PATJ: variants seen among roughly 807,000 people sequenced by gnomAD.
PATJ encodes inaD-like protein.
PATJ carries 190 observed loss-of-function variants against 224.9 expected under a neutral mutation model. The observed-to-expected ratio is 0.84, with a 90% CI of 0.75 to 0.95. The LOEUF is 0.95. Ranked by LOEUF, PATJ falls within the 40% of genes least tolerant of loss-of-function variation. The pLI is 0.00. For missense variants in PATJ, 2,121 were observed against 2,270.3 expected (o/e 0.93, Z 1.34); for synonymous variants, 769 against 820.3 (o/e 0.94, Z 1.07).
At chr1:62,160,732 A>T (rs1669762175) in intron 43 of PATJ, among the ~76,000 whole-genome samples, 176 bp from the exon 44 acceptor site, 1 of 152,230 alleles carries the variant, frequency 6.6e-6, no homozygotes, top group Non-Finnish European at 1.5e-5. Context: ...ATTATTATTC[A>T]AACAGCATAT....
At chr1:62,039,005 C>G (rs1650974900) in intron 30 of PATJ, 2 of 1,257,684 alleles carry the variant, frequency 1.6e-6, no homozygotes, top group South Asian at 2.4e-5. Context: ...GAGCTAACCT[C>G]TGACCCCACT....
At chr1:62,051,846 T>C (rs1186215703) in intron 31 of PATJ, among the ~76,000 whole-genome samples, 1 of 152,214 alleles carries the variant, frequency 6.6e-6, no homozygotes, top group Non-Finnish European at 1.5e-5. Context: ...TGTTATTTAA[T>C]AGTTATTGAA....
chr1:61,989,386 A>G (rs1644940713), intron 27 of PATJ, among the ~76,000 whole-genome samples: 1 of 152,206 alleles, frequency 6.6e-6, no homozygotes, highest in African/African-American at 2.4e-5. Context: ...AGTAAATGGT[A>G]GATTTGTGGA....
In PATJ at chr1:61,765,066, A is replaced by ATTTTTTTTTTTTTTTTTTTTT. The variant is rs71582647; in HGVS notation, c.190-1200_190-1180dup. Among the ~76,000 whole-genome samples, 13 of 24,020 alleles carry ATTTTTTTTTTTTTTTTTTTTT rather than the reference A, an allele frequency of 5.4e-4. 4 individuals carry two copies. Among genetic ancestry groups the ATTTTTTTTTTTTTTTTTTTTT allele is most frequent in the Non-Finnish European group, 8.1e-4 (11 of 13,504 alleles). 15.8% of individuals were successfully genotyped at this position (24,020 alleles called of 152,430 possible). ...TTTCTTTGAGGTTTTATTGACATTC[A>ATTTTTTTTTTTTTTTTTTTTT]TTTTTTTTTTTTTTTTTTTTTTTTT... is the stretch of plus-strand genomic sequence containing the variant. On this transcript the variant is annotated intron_variant, in intron 3 of 43. Transcript: ENST00000642238.
At chr1:61,809,728 T>G (rs1654314202) in intron 14 of PATJ, among the ~76,000 whole-genome samples, 1 of 152,108 alleles carries the variant, frequency 6.6e-6, no homozygotes, top group Admixed American at 6.5e-5. Context: ...TCATAAGAAG[T>G]TGAAAAGTCT....
At chr1:61,824,517 C>T (rs1375514087) in intron 15 of PATJ, among the ~76,000 whole-genome samples, 1 of 150,732 alleles carries the variant, frequency 6.6e-6, no homozygotes, top group African/African-American at 2.4e-5. Context: ...CGTCAAACTC[C>T]TGGGCTCAAG....
intron 24 of PATJ, among the ~76,000 whole-genome samples, chr1:61,906,975 G>T (rs868503337): frequency 5.9e-5 from 9 of 152,164 alleles, no homozygotes; most frequent in Non-Finnish European, 1.3e-4. Context: ...CCAGTGGGAG[G>T]TAATTGAATC....
At chr1:61,950,272 G>GTT (rs1679451690) in intron 27 of PATJ, among the ~76,000 whole-genome samples, 2 of 152,152 alleles carry the variant, frequency 1.3e-5, no homozygotes, top group African/African-American at 4.8e-5. Context: ...CAGTGATGGC[G>GTT]TTTGAGAACC....
Position 62,013,533 on chromosome 1 carries a change from G to A in PATJ, c.3868-4323G>A, listed in dbSNP as rs935476600. 206 of 982,746 alleles carry A rather than the reference G, an allele frequency of 2.1e-4. No homozygotes were observed. In the African/African-American group the frequency reaches 3.4e-3, roughly 16 times the overall value. The allele number at this position is 982,746 out of a possible 1,614,324, so 60.9% of individuals were successfully genotyped here. On this transcript the variant is annotated intron_variant, in intron 28 of 43. Transcript: ENST00000642238. ...TAAGGAGCTCCACTCAGTTCAGTAGGTGTTGCGTGCCTGCGCTGATGGTTA... is the reference window on the plus strand; with the variant it reads ...TAAGGAGCTCCACTCAGTTCAGTAGATGTTGCGTGCCTGCGCTGATGGTTA...
chr1:62,039,686 T>G (rs1651096750), intron 30 of PATJ, among the ~76,000 whole-genome samples: 2 of 152,174 alleles, frequency 1.3e-5, no homozygotes, highest in Admixed American at 1.3e-4. Flanking sequence ...GGTGATTTAT[T>G]CCAAAGCTAG....
At position 62,128,926 on chromosome 1, in the gene PATJ, A is replaced by G. The variant is rs771947538; in HGVS notation, c.5252A>G (p.Tyr1751Cys). The G allele has an allele frequency of 6.8e-6, 11 of 1,610,610 alleles. No homozygotes were observed. The African/African-American group carries it at 1.2e-4, about 18-fold the overall frequency. The change falls in exon 41 of 44, where the codon TAC becomes TGC. Residue 1751 changes from tyrosine (Y) to cysteine (C), a missense_variant. By Grantham distance (194) the Tyr-to-Cys change is radical (BLOSUM62 -2). Coordinates refer to ENST00000642238, the MANE Select transcript of PATJ (RefSeq NM_001350145.3). ...ADVVNLLKNA[Y>C]GRIILQVVAD... ...GTGGTTAATCTGCTGAAGAACGCCTACGGGCGCATTATCCTGCAGGTATTG... is the reference window on the plus strand; with the variant it reads ...GTGGTTAATCTGCTGAAGAACGCCTGCGGGCGCATTATCCTGCAGGTATTG...
intron 22 of PATJ, among the ~76,000 whole-genome samples, chr1:61,886,245 TGA>T (rs1258052410): frequency 1.4e-5 from 2 of 145,134 alleles, no homozygotes; most frequent in Non-Finnish European, 3.0e-5. Flanking sequence ...AAGAAAGGAG[TGA>T]GCTGGAATGA....
At chr1:62,110,924 G>A (rs1457502909) in intron 34 of PATJ, among the ~76,000 whole-genome samples, 1 of 152,072 alleles carries the variant, frequency 6.6e-6, no homozygotes, top group Non-Finnish European at 1.5e-5. Context: ...TGCATACTGT[G>A]CTTCTGTAAG....
chr1:62,127,469 A>G (rs1405464041), intron 39 of PATJ, among the ~76,000 whole-genome samples: 1 of 149,172 alleles, frequency 6.7e-6, no homozygotes, highest in Admixed American at 6.7e-5. Context: ...GACAACTTTC[A>G]CAAGGTTAAG....
At position 62,143,438 on chromosome 1, in the gene PATJ, ATTTTTTTTTTTTT is replaced by A. The variant is rs34127211; in HGVS notation, c.5272-4828_5272-4816del. On this transcript the variant is annotated intron_variant, in intron 41 of 43. Transcript: ENST00000642238. ...TTGGATATCACAGACTAAGCTGGGA[ATTTTTTTTTTTTT>A]TTTTTTTTTTTTTTTTTGAGACAGC... is the stretch of plus-strand genomic sequence containing the variant. Among the ~76,000 whole-genome samples the A allele has an allele frequency of 8.1e-5, 6 of 74,310 alleles. No individual in the cohort carries two copies. The East Asian group carries it at 3.1e-3, about 39-fold the overall frequency. 48.8% of individuals were successfully genotyped at this position (74,310 alleles called of 152,430 possible).
At chr1:61,814,547 T>TGTGTGTGTGTGTGTGTGTGTGTGTGCGC (rs370488022) in intron 14 of PATJ, among the ~76,000 whole-genome samples, 1 of 142,494 alleles carries the variant, frequency 7.0e-6, no homozygotes, top group Non-Finnish European at 1.5e-5. Context: ...TGTGTGTGTG[T>TGTGTGTGTGTGTGTGTGTGTGTGTGCGC]GCGCGCGCGC....
chr1:62,005,432 TC>T (rs1250765719), intron 28 of PATJ, among the ~76,000 whole-genome samples: 11 of 151,258 alleles, frequency 7.3e-5, no homozygotes, highest in Non-Finnish European at 1.6e-4. Context: ...TTTTTTTTTT[TC>T]GTCTGTGTGT....
chr1:62,008,102 CAT>C (rs1268465440), intron 28 of PATJ, among the ~76,000 whole-genome samples: 2 of 152,146 alleles, frequency 1.3e-5, no homozygotes, highest in Non-Finnish European at 2.9e-5. Context: ...GCTTAATGAA[CAT>C]GTAAAAAAGC....
chr1:61,885,266 C>T (rs535782321), intron 22 of PATJ, among the ~76,000 whole-genome samples: 17 of 152,102 alleles, frequency 1.1e-4, no homozygotes, highest in East Asian at 3.9e-4. Flanking sequence ...AGAAAATTTT[C>T]GCAACCTACT....
Sources: gnomAD v4.1 joint callset for allele counts (sites outside exome capture counted in the v4.1 genomes callset) on GRCh38, gnomAD v4.1.1 for gene constraint, MANE v1.5 for transcripts, NCBI Gene and HGNC (gene_info 2026-07-23, HGNC 2026-07-21) for gene names.